Variants in PDE4B observed in about 807,000 individuals in gnomAD.
PDE4B encodes 3',5'-cyclic-AMP phosphodiesterase 4B.
Under a neutral mutation model 82.2 loss-of-function variants are expected in PDE4B, and 20 were observed. The ratio of observed to expected loss-of-function variants is 0.24; its 90% CI spans 0.17 to 0.35. The LOEUF (loss-of-function observed/expected upper bound fraction) is 0.35. PDE4B is among the 10% of genes least tolerant of loss of function. The pLI, the probability that PDE4B is intolerant of heterozygous loss-of-function variation, is 1.00. For synonymous variants in PDE4B, 320 were observed against 318.9 expected (o/e 1.00, Z -0.04); for missense variants, 655 against 907.2 (o/e 0.72, Z 3.57).
rs1048133884 is a variant in PDE4B, at chr1:66,085,990, A to G, written c.282-161470A>G. Among the ~76,000 whole-genome samples, 4 of 152,144 alleles carry G rather than the reference A, an allele frequency of 2.6e-5. No individual in the cohort carries two copies. In the East Asian group the frequency reaches 5.8e-4, roughly 22 times the overall value. ...TGGGGAAAACGTTTGAACCAAAGCA[A>G]TCAGATAACTTCAATAATAAAATGC... On this transcript the variant is annotated intron_variant, in intron 3 of 16. Coordinates refer to ENST00000341517, the MANE Select transcript of PDE4B (RefSeq NM_002600.4).
intron 1 of PDE4B, among the ~76,000 whole-genome samples, chr1:65,911,612 G>GAAAA (rs1278951488): frequency 6.6e-6 from 1 of 151,756 alleles, no homozygotes; most frequent in Non-Finnish European, 1.5e-5. Flanking sequence ...TACTTTTGCT[G>GAAAA]GGTTTCAAGC....
At chr1:65,917,802 TA>T (rs1345241307) in intron 2 of PDE4B, among the ~76,000 whole-genome samples, 1 of 152,208 alleles carries the variant, frequency 6.6e-6, no homozygotes, top group Non-Finnish European at 1.5e-5. Context: ...AGACCTTTCA[TA>T]AGAACATAAC....
At position 65,943,677 on chromosome 1, in the gene PDE4B, T is replaced by C. The variant is rs1386424509; in HGVS notation, c.281+24842T>C. 2.6e-5 allele frequency among the ~76,000 whole-genome samples: 4 copies of C among 152,096 alleles called. No homozygotes were observed. The East Asian group carries it at 7.7e-4, about 29-fold the overall frequency. On this transcript the variant is annotated intron_variant, in intron 3 of 16. Transcript: ENST00000341517. ...ATATCCGAGTCTTCTTCAATTTCAA[T>C]GTTTTACAGTTTTCAATGTGCAGGT...
intron 3 of PDE4B, among the ~76,000 whole-genome samples, chr1:66,028,324 A>G (rs1653566380): frequency 6.6e-6 from 1 of 152,082 alleles, no homozygotes; most frequent in Admixed American, 6.5e-5. Context: ...GACACAGGGC[A>G]CCAAGTACCT....
chr1:65,971,233 G>A (rs1006703255), intron 3 of PDE4B, among the ~76,000 whole-genome samples: 3 of 151,946 alleles, frequency 2.0e-5, no homozygotes, highest in African/African-American at 4.8e-5. Flanking sequence ...AATTGAGATA[G>A]GTGACTAATT....
At chr1:65,912,007 T>A (rs531579086) in intron 1 of PDE4B, among the ~76,000 whole-genome samples, 4 of 152,188 alleles carry the variant, frequency 2.6e-5, no homozygotes, top group East Asian at 1.9e-4. Context: ...GACTTTTTTT[T>A]AAATAAGGCA....
chr1:66,370,230 G>A (rs1226115890), intron 16 of PDE4B, among the ~76,000 whole-genome samples: 1 of 148,020 alleles, frequency 6.8e-6, no homozygotes, highest in African/African-American at 2.5e-5. Flanking sequence ...AAAAATGCAA[G>A]TTAACATTGT....
At chr1:66,212,022 G>A (rs1650092079) in intron 3 of PDE4B, among the ~76,000 whole-genome samples, 1 of 152,110 alleles carries the variant, frequency 6.6e-6, no homozygotes, top group Non-Finnish European at 1.5e-5. Context: ...ACATTCCTTG[G>A]ATACCTCAAT....
At chr1:66,057,349 TAA>T (rs886958679) in intron 3 of PDE4B, among the ~76,000 whole-genome samples, 4 of 152,180 alleles carry the variant, frequency 2.6e-5, no homozygotes, top group African/African-American at 9.7e-5. Flanking sequence ...GAGGAAATAC[TAA>T]AAGAGTATTG....
intron 3 of PDE4B, among the ~76,000 whole-genome samples, chr1:66,081,343 C>T (rs1323767776): frequency 6.6e-6 from 1 of 152,068 alleles, no homozygotes; most frequent in Admixed American, 6.6e-5. Context: ...TAAGTCCCAC[C>T]AGCCTTTGTC....
chr1:65,997,859 A>C (rs966626021), intron 3 of PDE4B, among the ~76,000 whole-genome samples: 6 of 152,228 alleles, frequency 3.9e-5, no homozygotes, highest in Non-Finnish European at 8.8e-5. Context: ...CATGTTGTTC[A>C]ACTTGTCATG....
At chr1:65,992,425 A>T (rs949967556) in intron 3 of PDE4B, 1 of 153,742 alleles carries the variant, frequency 6.5e-6, no homozygotes, top group South Asian at 2.0e-4. Flanking sequence ...AACATTACAC[A>T]TGCTGGACGG....
rs148245560 is a variant in PDE4B, at chr1:66,194,603, A to G, written c.282-52857A>G. On this transcript the variant is annotated intron_variant, in intron 3 of 16. Coordinates refer to ENST00000341517, the MANE Select transcript of PDE4B (RefSeq NM_002600.4). ...CTGAGCAGAAGGTTAATGAAGTAAAATAAGTTTTGGTATCAAACAACTCCA... is the reference window on the plus strand; with the variant it reads ...CTGAGCAGAAGGTTAATGAAGTAAAGTAAGTTTTGGTATCAAACAACTCCA... Among the ~76,000 whole-genome samples the G allele has an allele frequency of 2.9e-3, 447 of 152,254 alleles. 2 individuals carry two copies. Among genetic ancestry groups the G allele is most frequent in the African/African-American group, 0.01 (434 of 41,544 alleles).
chr1:65,937,745 C>A (rs1164677637), intron 3 of PDE4B, among the ~76,000 whole-genome samples: 1 of 152,198 alleles, frequency 6.6e-6, no homozygotes, highest in Non-Finnish European at 1.5e-5. Flanking sequence ...TGTGCCTCAA[C>A]CCTGCTTTAC....
chr1:66,290,699 G>A (rs1303780930), intron 7 of PDE4B, among the ~76,000 whole-genome samples: 1 of 152,154 alleles, frequency 6.6e-6, no homozygotes, highest in Non-Finnish European at 1.5e-5. Context: ...CCAATGCCAG[G>A]AGTAATAATC....
chr1:66,310,268 G>A (rs753208912), intron 7 of PDE4B, among the ~76,000 whole-genome samples: 1 of 152,154 alleles, frequency 6.6e-6, no homozygotes, highest in Non-Finnish European at 1.5e-5. Context: ...GCTCATAGAG[G>A]CTAAGGGGCT....
At chr1:65,961,023 G>A (rs1307652096) in intron 3 of PDE4B, among the ~76,000 whole-genome samples, 1 of 152,112 alleles carries the variant, frequency 6.6e-6, no homozygotes, top group Non-Finnish European at 1.5e-5. Context: ...AATGTACACT[G>A]TTTTAGGCAC....
chr1:65,899,173 T>A (rs953671576), intron 1 of PDE4B, among the ~76,000 whole-genome samples: 3 of 151,906 alleles, frequency 2.0e-5, no homozygotes, highest in Admixed American at 1.3e-4. Flanking sequence ...AAGAGACAGT[T>A]CTCAAAAGAA....
chr1:66,070,777 G>A (rs1220541463), intron 3 of PDE4B, among the ~76,000 whole-genome samples: 2 of 151,960 alleles, frequency 1.3e-5, no homozygotes, highest in African/African-American at 2.4e-5. Context: ...TTAAATACCT[G>A]ATTAAAATTG....
Sources: allele counts gnomAD v4.1 joint callset (sites outside exome capture counted in the v4.1 genomes callset), GRCh38; gene constraint gnomAD v4.1.1; transcripts MANE v1.5; gene names NCBI Gene and HGNC (gene_info 2026-07-23, HGNC 2026-07-21).